Variants in STK3 observed in about 807,000 individuals in gnomAD.
STK3 encodes serine/threonine-protein kinase 3.
STK3 carries 41 observed loss-of-function variants against 58.0 expected under a neutral mutation model. The ratio of observed to expected loss-of-function variants is 0.71; its 90% confidence interval spans 0.55 to 0.92. STK3 has a LOEUF of 0.92. Ranked by LOEUF, STK3 falls within the 40% of genes least tolerant of loss-of-function variation. The probability of loss-of-function intolerance (pLI) is 0.00; values close to 1 mark genes in which losing one functional copy is unlikely to be tolerated. For missense variants in STK3, 479 were observed against 602.7 expected (o/e 0.79, Z 2.15); for synonymous variants, 170 against 191.0 (o/e 0.89, Z 0.91).
At chr8:98,868,565 C>A (rs1024138497) in intron 3 of STK3, among the ~76,000 whole-genome samples, 2 of 152,166 alleles carry the variant, frequency 1.3e-5, no homozygotes, top group African/African-American at 4.8e-5. Flanking sequence ...AAATCAATCA[C>A]TCCTTTAAAA....
At chr8:98,382,083 A>G (rs1163909545) in intron 1 of STK3, among the ~76,000 whole-genome samples, 3 of 151,934 alleles carry the variant, frequency 2.0e-5, no homozygotes, top group Non-Finnish European at 2.9e-5. Context: ...TCAAAGAAAA[A>G]TAGTTGGGGA....
chr8:98,598,034 A>G (rs899204512), intron 6 of STK3: 24 of 985,278 alleles, frequency 2.4e-5, no homozygotes, highest in Non-Finnish European at 2.5e-5. Flanking sequence ...GAATAAAAAT[A>G]AATTTGAACT....
chr8:98,876,267 C>G (rs1458507242), intron 3 of STK3, among the ~76,000 whole-genome samples: 1 of 152,102 alleles, frequency 6.6e-6, no homozygotes, highest in Admixed American at 6.6e-5. Flanking sequence ...TTTAATGACA[C>G]CAGAAAACAA....
At chr8:98,873,704 C>G (rs992403385) in intron 3 of STK3, among the ~76,000 whole-genome samples, 1 of 151,676 alleles carries the variant, frequency 6.6e-6, no homozygotes, top group Admixed American at 6.6e-5. Context: ...GGTAGATCTT[C>G]CTCCATCACT....
intron 1 of STK3, among the ~76,000 whole-genome samples, chr8:98,387,835 T>C (rs1817808010): frequency 6.7e-6 from 1 of 149,832 alleles, no homozygotes; most frequent in African/African-American, 2.5e-5. Flanking sequence ...TAAATACTAC[T>C]TCCCAGAAAA....
intron 6 of STK3, among the ~76,000 whole-genome samples, chr8:98,650,188 T>C (rs1820768564): frequency 6.6e-6 from 1 of 152,236 alleles, no homozygotes; most frequent in Admixed American, 6.5e-5. Flanking sequence ...TTTCCTCTTC[T>C]TTTCTAATGT....
intron 10 of STK3, among the ~76,000 whole-genome samples, chr8:98,458,792 G>A (rs1005902493): frequency 6.6e-6 from 1 of 152,090 alleles, no homozygotes; most frequent in African/African-American, 2.4e-5. Context: ...ACGTGAGAAG[G>A]TCCAGGCTTG....
At chr8:98,589,054 T>C (rs1814971818) in intron 7 of STK3, among the ~76,000 whole-genome samples, 1 of 151,788 alleles carries the variant, frequency 6.6e-6, no homozygotes, top group Admixed American at 6.6e-5. Flanking sequence ...TGTCCTCCCA[T>C]AGCTCAGAGT....
At chr8:98,358,622 G>A in the STK3 span, among the ~76,000 whole-genome samples, 1 of 152,104 alleles carries the variant, frequency 6.6e-6, no homozygotes, top group South Asian at 2.1e-4. Flanking sequence ...GGGACCCAGG[G>A]CAGGCTCAAG....
chr8:98,898,301 G>A (rs897006038), intron 1 of STK3, among the ~76,000 whole-genome samples: 2 of 152,318 alleles, frequency 1.3e-5, no homozygotes, highest in African/African-American at 4.8e-5. Flanking sequence ...AACAGACTCT[G>A]TCGGTCGGGT....
intron 3 of STK3, among the ~76,000 whole-genome samples, chr8:98,865,472 T>A (rs951874333): frequency 6.6e-6 from 1 of 152,134 alleles, no homozygotes; most frequent in East Asian, 1.9e-4. Flanking sequence ...GCTTAAGCAA[T>A]CCTCCTGCCT....
intron 1 of STK3, among the ~76,000 whole-genome samples, chr8:98,820,425 C>G (rs978711641): frequency 1.3e-5 from 2 of 152,184 alleles, no homozygotes; most frequent in Non-Finnish European, 2.9e-5. Flanking sequence ...TTTTAAATAA[C>G]TACTAACACT....
At chr8:98,583,839 G>C (rs957835570) in intron 7 of STK3, among the ~76,000 whole-genome samples, 3 of 149,200 alleles carry the variant, frequency 2.0e-5, no homozygotes, top group South Asian at 2.3e-4. Flanking sequence ...GTAAGAGAGA[G>C]AGTGTATGTG....
chr8:98,894,704 C>T (rs1382941876), intron 1 of STK3, among the ~76,000 whole-genome samples: 1 of 152,202 alleles, frequency 6.6e-6, no homozygotes, highest in Non-Finnish European at 1.5e-5. Flanking sequence ...GCCCGACATA[C>T]AGTAAGTGCT....
chr8:98,441,805 T>G (rs558414177), intron 1 of STK3, among the ~76,000 whole-genome samples: 1 of 152,200 alleles, frequency 6.6e-6, no homozygotes, highest in African/African-American at 2.4e-5. Context: ...CCCCTAAAAT[T>G]TTATCTTTGT....
chr8:98,592,729 C>CTTTAT (rs1382723933), intron 7 of STK3, among the ~76,000 whole-genome samples: 19 of 145,374 alleles, frequency 1.3e-4, no homozygotes, highest in African/African-American at 4.6e-4. Flanking sequence ...TGCTCACTGA[C>CTTTAT]TTACTTTATT....
At chr8:98,669,938 G>A (rs1321213171) in intron 6 of STK3, among the ~76,000 whole-genome samples, 1 of 152,190 alleles carries the variant, frequency 6.6e-6, no homozygotes, top group Non-Finnish European at 1.5e-5. Flanking sequence ...GGCTGTAGCT[G>A]CTAGCATTCT....
At chr8:98,874,569 A>G (rs1337969694) in intron 3 of STK3, among the ~76,000 whole-genome samples, 1 of 152,000 alleles carries the variant, frequency 6.6e-6, no homozygotes, top group Non-Finnish European at 1.5e-5. Context: ...TGTTTTATAT[A>G]TCTATATCTA....
chr8:98,783,047 A>G (rs561175355), intron 1 of STK3, among the ~76,000 whole-genome samples: 7 of 151,096 alleles, frequency 4.6e-5, no homozygotes, highest in Admixed American at 4.6e-4. Context: ...GAGAGAGAGA[A>G]CCAAAATATA....
Sources: gnomAD v4.1 joint callset for allele counts (sites outside exome capture counted in the v4.1 genomes callset) on GRCh38, gnomAD v4.1.1 for gene constraint, MANE v1.5 for transcripts, NCBI Gene and HGNC (gene_info 2026-07-23, HGNC 2026-07-21) for gene names.